The following RSRC1 variants were observed in gnomAD, a reference collection of about 807,000 sequenced individuals.
RSRC1 encodes arginine and serine rich coiled-coil 1.
In RSRC1, 39 loss-of-function variants were observed where a neutral mutation model predicts 49.1. The observed-to-expected ratio is 0.79, with a 90% CI of 0.61 to 1.04. The LOEUF is 1.04. RSRC1 is among the 50% of genes least tolerant of loss of function. The pLI, the probability that RSRC1 is intolerant of heterozygous loss-of-function variation, is 0.00. For synonymous variants in RSRC1, 143 were observed against 130.8 expected (o/e 1.09, Z -0.63); for missense variants, 388 against 402.4 (o/e 0.96, Z 0.31).
intron 6 of RSRC1, among the ~76,000 whole-genome samples, chr3:158,355,198 A>G (rs1731092095): frequency 1.3e-5 from 2 of 151,770 alleles, no homozygotes; most frequent in Non-Finnish European, 2.9e-5. Flanking sequence ...TCTTTTATGT[A>G]CTATGGTTTT....
intron 7 of RSRC1, among the ~76,000 whole-genome samples, chr3:158,500,295 A>G (rs981542700): frequency 6.6e-6 from 1 of 152,092 alleles, no homozygotes; most frequent in Non-Finnish European, 1.5e-5. Flanking sequence ...TTTAGCATCT[A>G]TGTTCATCAA....
Position 158,151,787 on chromosome 3 carries a change from TCAGTAAATACTGTA to T in RSRC1, c.320+27813_320+27826del, listed in dbSNP as rs555642451. Among the ~76,000 whole-genome samples the T allele has an allele frequency of 8.1e-4, 123 of 152,272 alleles. 1 individual carries two copies. The highest frequency in any genetic ancestry group is 2.6e-3 in the African/African-American group (109 of 41,560). On this transcript the variant is annotated intron_variant, in intron 3 of 9. Transcript: ENST00000611884. ...GAGGACACAGTGTCATTATATGTAGTCAGTAAATACTGTACAGTAAATACTGTACAAGTATTGCT... is the reference window on the plus strand; with the variant it reads ...GAGGACACAGTGTCATTATATGTAGTCAGTAAATACTGTACAAGTATTGCT...
intron 4 of RSRC1, among the ~76,000 whole-genome samples, chr3:158,296,345 C>T (rs1449271296): frequency 6.6e-6 from 1 of 151,866 alleles, no homozygotes; most frequent in Non-Finnish European, 1.5e-5. Flanking sequence ...TACACACATA[C>T]ACACACACGA....
chr3:158,304,688 A>G (rs1051501785), intron 5 of RSRC1, among the ~76,000 whole-genome samples: 1 of 152,138 alleles, frequency 6.6e-6, no homozygotes. Context: ...AGCATAATAG[A>G]TACCTTTCTC....
intron 4 of RSRC1, among the ~76,000 whole-genome samples, chr3:158,269,044 G>T (rs1295837643): frequency 6.6e-6 from 1 of 152,152 alleles, no homozygotes; most frequent in Non-Finnish European, 1.5e-5. Flanking sequence ...TAAGTAGGCA[G>T]CAAATAAAGG....
At chr3:158,436,137 A>G (rs1286408493) in intron 6 of RSRC1, among the ~76,000 whole-genome samples, 1 of 151,954 alleles carries the variant, frequency 6.6e-6, no homozygotes, top group Non-Finnish European at 1.5e-5. Flanking sequence ...CTAATGAGCC[A>G]TGTCTGATAT....
intron 3 of RSRC1, among the ~76,000 whole-genome samples, chr3:158,160,714 G>A (rs1223600697): frequency 6.6e-6 from 1 of 152,174 alleles, no homozygotes; most frequent in Non-Finnish European, 1.5e-5. Flanking sequence ...AACATTTTGT[G>A]ATGGTGTGTT....
At chr3:158,306,440 AT>A (rs1339626290) in intron 5 of RSRC1, among the ~76,000 whole-genome samples, 1 of 151,958 alleles carries the variant, frequency 6.6e-6, no homozygotes, top group Non-Finnish European at 1.5e-5. Context: ...TTACTATATC[AT>A]TTAAAGCATT....
At chr3:158,516,101 C>T (rs1211409920) in intron 7 of RSRC1, among the ~76,000 whole-genome samples, 2 of 152,244 alleles carry the variant, frequency 1.3e-5, no homozygotes, top group Admixed American at 1.3e-4. Context: ...CTCAGCTCGT[C>T]AAAGTCATTC....
At chr3:158,514,405 G>C (rs1317111714) in intron 7 of RSRC1, among the ~76,000 whole-genome samples, 1 of 152,168 alleles carries the variant, frequency 6.6e-6, no homozygotes, top group African/African-American at 2.4e-5. Flanking sequence ...AGTTTGTTCA[G>C]TTTCCATGTA....
Position 158,244,130 on chromosome 3 carries a change from G to A in RSRC1, c.494+40885G>A, listed in dbSNP as rs139026224. On this transcript the variant is annotated intron_variant, in intron 4 of 9. Coordinates refer to ENST00000611884, the MANE Select transcript of RSRC1 (RefSeq NM_001271838.2). ...ATGTCCTGTATTTCTTTCCCTTGTC[G>A]GATAATCCTGGCCAGAACTTCCAAT... 3.3e-3 allele frequency among the ~76,000 whole-genome samples: 495 copies of A among 151,892 alleles called. 3 individuals are homozygous for A. Among genetic ancestry groups the A allele is most frequent in the Admixed American group, 4.9e-3 (75 of 15,222 alleles).
Position 158,522,777 on chromosome 3 carries a change from T to G in RSRC1, c.653-14315T>G, listed in dbSNP as rs142914112. Among the ~76,000 whole-genome samples the G allele has an allele frequency of 5.3e-3, 812 of 152,234 alleles. 4 individuals are homozygous for G. Among genetic ancestry groups the G allele is most frequent in the Non-Finnish European group, 9.2e-3 (628 of 67,986 alleles). On this transcript the variant is annotated intron_variant, in intron 7 of 9. Coordinates refer to ENST00000611884, the MANE Select transcript of RSRC1 (RefSeq NM_001271838.2). Reference sequence around the variant, plus strand: ...AATTTTCCCTCATGGTTCAGACTCTTAAATATATATGCTCACCCTAAGTTC... The same window carrying G: ...AATTTTCCCTCATGGTTCAGACTCTGAAATATATATGCTCACCCTAAGTTC...
At chr3:158,372,308 C>T (rs570263479) in intron 6 of RSRC1, among the ~76,000 whole-genome samples, 5 of 151,864 alleles carry the variant, frequency 3.3e-5, no homozygotes, top group African/African-American at 1.2e-4. Flanking sequence ...TTTCTATGAC[C>T]CATTTAAAAT....
At chr3:158,163,240 T>A (rs1718346445) in intron 3 of RSRC1, among the ~76,000 whole-genome samples, 1 of 152,160 alleles carries the variant, frequency 6.6e-6, no homozygotes, top group South Asian at 2.1e-4. Flanking sequence ...TGGCTTCAAG[T>A]GATCCTCCTG....
At chr3:158,263,775 C>T (rs942908226) in intron 4 of RSRC1, among the ~76,000 whole-genome samples, 1 of 152,078 alleles carries the variant, frequency 6.6e-6, no homozygotes, top group Non-Finnish European at 1.5e-5. Context: ...TAGTTTGTGT[C>T]TTTCCAGGAG....
chr3:158,333,580 G>A (rs1275807812), intron 5 of RSRC1, among the ~76,000 whole-genome samples: 1 of 151,992 alleles, frequency 6.6e-6, no homozygotes, highest in Admixed American at 6.6e-5. Context: ...ATATTTTTTA[G>A]GACAAAACAT....
intron 1 of RSRC1, among the ~76,000 whole-genome samples, chr3:158,119,897 C>T (rs1438080450): frequency 7.4e-6 from 1 of 135,030 alleles, no homozygotes; most frequent in African/African-American, 2.8e-5. Context: ...ATGGCACTAT[C>T]TCGGCTCACT....
intron 3 of RSRC1, chr3:158,132,132 C>CA (rs752545260): frequency 1.2e-4 from 54 of 450,684 alleles, no homozygotes; most frequent in Non-Finnish European, 2.1e-4. Flanking sequence ...TACAGGTACA[C>CA]ACCGCCACAC....
chr3:158,114,993 T>C (rs1051429414), intron 1 of RSRC1, among the ~76,000 whole-genome samples: 1 of 152,206 alleles, frequency 6.6e-6, no homozygotes, highest in Non-Finnish European at 1.5e-5. Context: ...TTTGTTTTTT[T>C]TCTCTTGCCT....
Sources: allele counts gnomAD v4.1 joint callset (sites outside exome capture counted in the v4.1 genomes callset), GRCh38; gene constraint gnomAD v4.1.1; transcripts MANE v1.5; gene names NCBI Gene and HGNC (gene_info 2026-07-23, HGNC 2026-07-21).